Variants in LINGO2 observed in about 807,000 individuals in gnomAD.
LINGO2 encodes the protein leucine-rich repeat and immunoglobulin-like domain-containing nogo receptor-interacting protein 2.
LINGO2 carries 14 observed loss-of-function variants against 30.6 expected under a neutral mutation model. The ratio of observed to expected loss-of-function variants is 0.46; its 90% CI spans 0.30 to 0.72. The LOEUF is 0.72. Among genes scored for constraint, LINGO2 ranks in the 30% least tolerant of loss-of-function variants. LINGO2 has a pLI of 0.07. For synonymous variants in LINGO2, 317 were observed against 288.5 expected (o/e 1.10, Z -1.00); for missense variants, 729 against 751.7 (o/e 0.97, Z 0.35).
intron 4 of LINGO2, among the ~76,000 whole-genome samples, chr9:28,100,922 G>A (rs1303681246): frequency 6.6e-6 from 1 of 152,092 alleles, no homozygotes; most frequent in Non-Finnish European, 1.5e-5. Context: ...TTTTGGCAGT[G>A]TATTTTAGAG....
At chr9:29,055,746 C>G in the LINGO2 span, among the ~76,000 whole-genome samples, 7 of 151,906 alleles carry the variant, frequency 4.6e-5, no homozygotes, top group Admixed American at 4.6e-4. Flanking sequence ...CCTCAAAGTC[C>G]AGGGTATCAT....
Position 28,614,236 on chromosome 9 carries a change from T to C in LINGO2, c.-365+55964A>G, listed in dbSNP as rs999739719. ...GACACAAGTACAAGAGCATCAATAA[T>C]GAAATCATTTTTTATTATAGAATAC... On this transcript the variant is annotated intron_variant, in intron 1 of 5. Transcript: ENST00000379992. Among the ~76,000 whole-genome samples, 4 of 152,270 alleles carry C rather than the reference T, an allele frequency of 2.6e-5. No individual in the cohort carries two copies. In the South Asian group the frequency reaches 8.3e-4, roughly 32 times the overall value.
intron 4 of LINGO2, among the ~76,000 whole-genome samples, chr9:28,158,713 C>T (rs552269132): frequency 6.6e-6 from 1 of 152,262 alleles, no homozygotes; most frequent in East Asian, 1.9e-4. Flanking sequence ...TTTCCAATTG[C>T]TATTTCCACT....
upstream of LINGO2, among the ~76,000 whole-genome samples, chr9:28,670,603 G>A (rs73644097): frequency 0.017 from 2,515 of 152,208 alleles, 76 homozygotes; most frequent in African/African-American, 0.057. Flanking sequence ...GTTTTCTTAT[G>A]TGCATTACCA....
the LINGO2 span, among the ~76,000 whole-genome samples, chr9:29,183,172 C>T: frequency 6.6e-6 from 1 of 152,168 alleles, no homozygotes; most frequent in Non-Finnish European, 1.5e-5. Flanking sequence ...AATTAATTTT[C>T]TATTTCCAAT....
intron 4 of LINGO2, among the ~76,000 whole-genome samples, chr9:28,273,723 A>T (rs1823022442): frequency 6.6e-6 from 1 of 152,208 alleles, no homozygotes; most frequent in Admixed American, 6.5e-5. Flanking sequence ...AGGGAAGAAA[A>T]GAAATACAAA....
At chr9:28,184,055 A>G (rs764723725) in intron 4 of LINGO2, among the ~76,000 whole-genome samples, 3 of 152,138 alleles carry the variant, frequency 2.0e-5, no homozygotes, top group Non-Finnish European at 2.9e-5. Context: ...ATTGGAGGAA[A>G]ATTATTGACC....
chr9:29,087,621 T>G, the LINGO2 span, among the ~76,000 whole-genome samples: 1 of 152,150 alleles, frequency 6.6e-6, no homozygotes, highest in Non-Finnish European at 1.5e-5. Context: ...ATACCAAATG[T>G]CTTATCTCTT....
chr9:28,944,956 T>A, the LINGO2 span, among the ~76,000 whole-genome samples: 22 of 152,266 alleles, frequency 1.4e-4, no homozygotes, highest in Admixed American at 1.3e-3. Context: ...CTTTTCAAAG[T>A]CTAACTCATC....
At chr9:29,175,448 A>G in the LINGO2 span, among the ~76,000 whole-genome samples, 46 of 152,038 alleles carry the variant, frequency 3.0e-4, no homozygotes, top group Admixed American at 3.0e-3. Flanking sequence ...TCTAAAATGT[A>G]ACATTAAATA....
At chr9:28,078,597 T>C (rs1002046390) in intron 4 of LINGO2, among the ~76,000 whole-genome samples, 30 of 148,590 alleles carry the variant, frequency 2.0e-4, no homozygotes, top group Non-Finnish European at 1.5e-5. Flanking sequence ...ATGCCCGTAA[T>C]CCCAGCACTT....
intron 3 of LINGO2, among the ~76,000 whole-genome samples, chr9:28,338,956 CGTTAAA>C (rs1825677947): frequency 6.6e-6 from 1 of 152,024 alleles, no homozygotes; most frequent in African/African-American, 2.4e-5. Context: ...AACAAACAAA[CGTTAAA>C]ATGATGCCAG....
the LINGO2 span, among the ~76,000 whole-genome samples, chr9:28,835,203 G>T: frequency 7.9e-5 from 12 of 152,128 alleles, no homozygotes; most frequent in African/African-American, 2.9e-4. Context: ...ACCAGATTTA[G>T]GAAACAAAAG....
At chr9:28,431,892 AT>A (rs147403715) in intron 2 of LINGO2, among the ~76,000 whole-genome samples, 25,751 of 151,874 alleles carry the variant, frequency 0.17, 2,475 homozygotes, top group East Asian at 0.42. Flanking sequence ...TTAATAGGAC[AT>A]TTTTTTTCCC....
chr9:28,975,972 T>C, the LINGO2 span, among the ~76,000 whole-genome samples: 1 of 152,334 alleles, frequency 6.6e-6, no homozygotes, highest in South Asian at 2.1e-4. Flanking sequence ...TGATTGATTT[T>C]TATTGGTCTC....
At chr9:28,321,471 A>G (rs1014857538) in intron 3 of LINGO2, among the ~76,000 whole-genome samples, 1 of 152,192 alleles carries the variant, frequency 6.6e-6, no homozygotes, top group African/African-American at 2.4e-5. Context: ...CATAACAGTA[A>G]TGGAGGGCCT....
chr9:28,260,724 T>G (rs7020015), intron 4 of LINGO2, among the ~76,000 whole-genome samples: 38,121 of 151,894 alleles, frequency 0.25, 5,127 homozygotes, highest in Non-Finnish European at 0.32. Context: ...GATGAGTTTA[T>G]TTCTTGAGTT....
the LINGO2 span, among the ~76,000 whole-genome samples, chr9:28,696,345 C>G: frequency 1.3e-5 from 2 of 151,840 alleles, no homozygotes; most frequent in Non-Finnish European, 2.9e-5. Flanking sequence ...TGCTGTATTT[C>G]CATTATACCA....
the LINGO2 span, among the ~76,000 whole-genome samples, chr9:28,950,653 A>C: frequency 6.6e-6 from 1 of 152,284 alleles, no homozygotes; most frequent in East Asian, 1.9e-4. Context: ...AAATTGCTAC[A>C]AAGAAAATAA....
Sources: gnomAD v4.1 joint callset for allele counts (sites outside exome capture counted in the v4.1 genomes callset) on GRCh38, gnomAD v4.1.1 for gene constraint, MANE v1.5 for transcripts, NCBI Gene and HGNC (gene_info 2026-07-23, HGNC 2026-07-21) for gene names.